The following CADPS variants were observed in gnomAD, a reference collection of about 807,000 sequenced individuals.
CADPS encodes the protein calcium-dependent secretion activator 1.
In CADPS, 57 loss-of-function variants were observed where a neutral mutation model predicts 167.3. That is an observed-to-expected ratio of 0.34 (90% CI 0.28 to 0.42). CADPS has a LOEUF of 0.42. Among genes scored for constraint, CADPS ranks in the 20% least tolerant of loss-of-function variants. The pLI, the probability that CADPS is intolerant of heterozygous loss-of-function variation, is 1.00. For missense variants in CADPS, 1,414 were observed against 1,738.1 expected (o/e 0.81, Z 3.32); for synonymous variants, 676 against 635.3 (o/e 1.06, Z -0.96).
intron 1 of CADPS, among the ~76,000 whole-genome samples, chr3:62,860,891 C>G (rs916540075): frequency 2.6e-5 from 4 of 152,126 alleles, no homozygotes; most frequent in African/African-American, 9.7e-5. Context: ...GGAGCTTGAA[C>G]GTTCCTTATT....
intron 8 of CADPS, among the ~76,000 whole-genome samples, chr3:62,576,505 A>G (rs2082289314): frequency 6.6e-6 from 1 of 151,980 alleles, no homozygotes; most frequent in Admixed American, 6.6e-5. Context: ...AGTATTAAAA[A>G]TAGCAGTCCT....
At chr3:62,432,895 C>T (rs2054254754) in intron 28 of CADPS, among the ~76,000 whole-genome samples, 1 of 152,164 alleles carries the variant, frequency 6.6e-6, no homozygotes. Context: ...AGATAACTCA[C>T]TGTCTCAGTG....
chr3:62,583,159 C>CTCTCTA (rs1391905122), intron 8 of CADPS, among the ~76,000 whole-genome samples: 1 of 93,274 alleles, frequency 1.1e-5, no homozygotes, highest in Non-Finnish European at 2.2e-5. Context: ...CTCTTTGTCT[C>CTCTCTA]TCTCTCTCTC....
chr3:62,871,628 C>G (rs1437983587), intron 1 of CADPS, among the ~76,000 whole-genome samples: 1 of 152,098 alleles, frequency 6.6e-6, no homozygotes, highest in Admixed American at 6.5e-5. Context: ...ATTTCCAAGT[C>G]TCAGTTTTTT....
intron 3 of CADPS, among the ~76,000 whole-genome samples, chr3:62,666,299 C>T (rs2074389438): frequency 6.6e-6 from 1 of 152,156 alleles, no homozygotes; most frequent in Non-Finnish European, 1.5e-5. Context: ...CCTAAAATAG[C>T]TTGGCATGAT....
intron 26 of CADPS, among the ~76,000 whole-genome samples, chr3:62,461,266 T>A (rs1256372398): frequency 2.0e-5 from 3 of 152,240 alleles, no homozygotes; most frequent in Admixed American, 2.0e-4. Flanking sequence ...CTCTTATAGT[T>A]ATTTTAGACT....
Position 62,420,064 on chromosome 3 carries a change from G to A in CADPS, c.3778-16879C>T, listed in dbSNP as rs1482660383. ...ATTACTCTCAACATACAAAAGCATG[G>A]TCTATGTATGTACATAATTTCCAGG... On this transcript the variant is annotated intron_variant, in intron 28 of 29. Coordinates refer to ENST00000383710, the MANE Select transcript of CADPS (RefSeq NM_003716.4). The surrounding 1 kb of genome is among the most constrained non-coding windows in gnomAD (Gnocchi z 4.1). Among the ~76,000 whole-genome samples, 1 of 152,124 alleles carries A rather than the reference G, an allele frequency of 6.6e-6. No individual in the cohort carries two copies. The highest frequency in any genetic ancestry group is 2.1e-4 in the South Asian group (1 of 4,824).
intron 1 of CADPS, among the ~76,000 whole-genome samples, chr3:62,837,175 C>A (rs1199590611): frequency 6.6e-6 from 1 of 152,198 alleles, no homozygotes; most frequent in Non-Finnish European, 1.5e-5. Context: ...CTTACACTAA[C>A]TTTTGTTAAG....
chr3:62,772,967 A>G (rs925510745), intron 1 of CADPS, among the ~76,000 whole-genome samples: 4 of 152,174 alleles, frequency 2.6e-5, no homozygotes, highest in African/African-American at 9.7e-5. Flanking sequence ...TTTTTAATAT[A>G]AGCCATGCTT....
At position 62,543,684 on chromosome 3, in the gene CADPS, A is replaced by G. The variant is rs141640255; in HGVS notation, c.1966+6219T>C. On this transcript the variant is annotated intron_variant, in intron 11 of 29. Coordinates refer to ENST00000383710, the MANE Select transcript of CADPS (RefSeq NM_003716.4). ...GAAGGAAACAAAAAAAATTTGAAGA[A>G]AAGACTATCATTAAATGGTCAGGAG... Among the ~76,000 whole-genome samples the G allele has an allele frequency of 4.5e-3, 690 of 152,236 alleles. 7 individuals are homozygous for G. The highest frequency in any genetic ancestry group is 0.016 in the African/African-American group (657 of 41,568).
chr3:62,835,593 G>C (rs1230247784), intron 1 of CADPS, among the ~76,000 whole-genome samples: 1 of 152,038 alleles, frequency 6.6e-6, no homozygotes, highest in Non-Finnish European at 1.5e-5. Flanking sequence ...AATTATGCAG[G>C]CCAGTACTGG....
rs543870310 is a variant in CADPS, at chr3:62,514,072, A to C, written c.2582-1304T>G. On this transcript the variant is annotated intron_variant, in intron 16 of 29. Transcript: ENST00000383710. The surrounding 1 kb of genome is among the most constrained non-coding windows in gnomAD (Gnocchi z 4.2). ...AGGCTCTTGAGGTATTTCTTCATAA[A>C]CATAGTCTCCAGCAATATTACTACA... Among the ~76,000 whole-genome samples, 37 of 152,206 alleles carry C rather than the reference A, an allele frequency of 2.4e-4. No individual in the cohort carries two copies. Among genetic ancestry groups the C allele is most frequent in the African/African-American group, 8.9e-4 (37 of 41,566 alleles).
chr3:62,615,785 T>A (rs2062176630), intron 6 of CADPS, among the ~76,000 whole-genome samples: 1 of 152,188 alleles, frequency 6.6e-6, no homozygotes, highest in Non-Finnish European at 1.5e-5. Flanking sequence ...GCATTTGTCC[T>A]AGAGTAAAAC....
intron 1 of CADPS, among the ~76,000 whole-genome samples, chr3:62,775,653 C>A (rs1458361974): frequency 6.6e-6 from 1 of 152,158 alleles, no homozygotes; most frequent in Non-Finnish European, 1.5e-5. Flanking sequence ...CTACATTTGT[C>A]TGTTGATTGT....
intron 3 of CADPS, among the ~76,000 whole-genome samples, chr3:62,676,668 G>A (rs960955435): frequency 2.0e-5 from 3 of 152,104 alleles, no homozygotes; most frequent in African/African-American, 4.8e-5. Context: ...AGGCGTTTTG[G>A]TGACATTTCA....
chr3:62,399,477 C>G lies in CADPS; in HGVS notation c.3991G>C (p.Val1331Leu), dbSNP rs1705079804. Residue 1331 changes from valine (V) to leucine (L), a missense_variant, in exon 30 of 30, where the codon GTG becomes CTG. Val to Leu is a conservative substitution (Grantham distance 32, BLOSUM62 1). This residue lies in a region of CADPS where 185 missense variants were observed against 251.5 expected (regional missense o/e 0.74). Transcript: ENST00000383710. The surrounding 1 kb of genome is among the most constrained non-coding windows in gnomAD (Gnocchi z 5.6). ...RLTVEEATASVSEGGGLQGIS... is the reference protein window; with the variant it reads ...RLTVEEATASLSEGGGLQGIS... ...CCCTGCAGTCCCCCACCTTCACTCA[C>G]TGATGCTGTGGCTTCCTCCACAGTG... 2 of 1,614,188 alleles carry G rather than the reference C, an allele frequency of 1.2e-6. No individual in the cohort carries two copies. Among genetic ancestry groups the G allele is most frequent in the Non-Finnish European group, 1.7e-6 (2 of 1,180,008 alleles).
chr3:62,459,446 T>C (rs1157427885), intron 26 of CADPS, among the ~76,000 whole-genome samples: 2 of 152,252 alleles, frequency 1.3e-5, no homozygotes, highest in Non-Finnish European at 2.9e-5. Context: ...TTTTTCTCCT[T>C]CTGGCCTGGC....
chr3:62,600,514 T>C (rs1430941572), intron 6 of CADPS, among the ~76,000 whole-genome samples: 2 of 152,156 alleles, frequency 1.3e-5, no homozygotes, highest in Admixed American at 1.3e-4. Flanking sequence ...GGCAAATAAA[T>C]AGATGAACAG....
intron 3 of CADPS, among the ~76,000 whole-genome samples, chr3:62,716,926 G>A (rs1287274206): frequency 1.3e-5 from 2 of 152,128 alleles, no homozygotes; most frequent in Admixed American, 6.6e-5. Context: ...TCAACGTTAG[G>A]AAGGCAGAGA....
Sources: gnomAD v4.1 joint callset for allele counts (sites outside exome capture counted in the v4.1 genomes callset) on GRCh38, gnomAD v4.1.1 for gene constraint, gnomAD v4.1.1 regional missense constraint, Gnocchi (gnomAD v3.1) non-coding constraint, MANE v1.5 for transcripts, NCBI Gene and HGNC (gene_info 2026-07-23, HGNC 2026-07-21) for gene names.